Variants in LMNB1 observed in about 807,000 individuals in gnomAD.
The protein encoded by LMNB1 is lamin B1.
LMNB1 carries 23 observed loss-of-function variants against 67.1 expected under a neutral mutation model. That is an observed-to-expected ratio of 0.34 (90% confidence interval 0.25 to 0.49). The LOEUF is 0.49. LMNB1 is among the 20% of genes least tolerant of loss of function. The pLI is 0.99. For missense variants in LMNB1, 634 were observed against 746.5 expected (o/e 0.85, Z 1.76); for synonymous variants, 281 against 282.9 (o/e 0.99, Z 0.07).
chr5:126,806,317 T>G (rs949606883), intron 3 of LMNB1, among the ~76,000 whole-genome samples: 3 of 152,226 alleles, frequency 2.0e-5, no homozygotes, highest in African/African-American at 7.2e-5. Flanking sequence ...TGTTTAAGCA[T>G]TAGTTATCTA....
At chr5:126,787,123 C>G (rs998660558) in intron 1 of LMNB1, among the ~76,000 whole-genome samples, 1 of 152,150 alleles carries the variant, frequency 6.6e-6, no homozygotes, top group African/African-American at 2.4e-5. Context: ...AAGTTACTTA[C>G]AGTCTAGTGG....
At chr5:126,830,753 T>C (rs1752112074) in intron 9 of LMNB1, among the ~76,000 whole-genome samples, 2 of 152,206 alleles carry the variant, frequency 1.3e-5, no homozygotes, top group Non-Finnish European at 2.9e-5. Flanking sequence ...AATTTTGTTA[T>C]AGAAGATTTT....
rs186460987 is a variant in LMNB1 at position 126,822,113 on chromosome 5, A to G, written c.1387-668A>G. On this transcript the variant is annotated intron_variant, in intron 7 of 10. Coordinates refer to ENST00000261366, the MANE Select transcript of LMNB1 (RefSeq NM_005573.4). ...TGGGTTCAAGAGATTCTCCTGCCTC[A>G]GCCTCCTGAGTAGCTGGGATTACAG... Among the ~76,000 whole-genome samples the G allele has an allele frequency of 2.0e-3, 297 of 150,346 alleles. 2 individuals are homozygous for G. Among genetic ancestry groups the G allele is most frequent in the African/African-American group, 6.8e-3 (276 of 40,846 alleles).
chr5:126,805,791 C>A, intron 3 of LMNB1, 95 bp downstream of exon 3: 1 of 958,438 alleles, frequency 1.0e-6, no homozygotes, highest in Non-Finnish European at 1.5e-6. Flanking sequence ...TTTATGATTT[C>A]TTTGCCACAA....
chr5:126,795,456 T>G (rs1751062955), intron 1 of LMNB1, among the ~76,000 whole-genome samples: 1 of 151,876 alleles, frequency 6.6e-6, no homozygotes, highest in Non-Finnish European at 1.5e-5. Flanking sequence ...CATTTTCAAG[T>G]AGTTATTGTT....
chr5:126,836,316 A>G lies in LMNB1; in HGVS notation c.*52A>G. 1 of 1,224,386 alleles carries G rather than the reference A, an allele frequency of 8.2e-7. No individual in the cohort carries two copies. The highest frequency in any genetic ancestry group is 1.2e-6 in the Non-Finnish European group (1 of 830,316). The allele number at this position is 1,224,386 out of a possible 1,614,324, so 75.8% of individuals were successfully genotyped here. A position where few individuals can be genotyped will look rare whatever the true frequency, so the allele number is the denominator to read the frequency against. The stretch of plus-strand genomic sequence containing the variant: ...AAGAAGTATGGTAATCTTTACCTGT[A>G]TACAGTGCAGAGCCTTCTCAGAAGC... On this transcript the variant is annotated 3_prime_UTR_variant, in exon 11 of 11. Transcript: ENST00000261366.
intron 1 of LMNB1, among the ~76,000 whole-genome samples, chr5:126,781,525 C>T (rs1205567152): frequency 6.6e-6 from 1 of 151,970 alleles, no homozygotes; most frequent in East Asian, 1.9e-4. Flanking sequence ...CAACCTCCGC[C>T]TCCCAGGTTC....
intron 10 of LMNB1, 59 bp downstream of exon 10, chr5:126,832,860 G>A (rs1408822942): frequency 1.7e-6 from 2 of 1,172,936 alleles, no homozygotes; most frequent in East Asian, 5.6e-5. Context: ...ATTACATGAA[G>A]ACCAAGAGTG....
chr5:126,788,453 A>G (rs772065788), intron 1 of LMNB1, among the ~76,000 whole-genome samples: 4 of 152,158 alleles, frequency 2.6e-5, no homozygotes, highest in Non-Finnish European at 5.9e-5. Flanking sequence ...CCTGGGCAAC[A>G]TGGCGAAACC....
At chr5:126,831,638 T>G (rs1752132069) in intron 9 of LMNB1, among the ~76,000 whole-genome samples, 1 of 152,238 alleles carries the variant, frequency 6.6e-6, no homozygotes, top group Non-Finnish European at 1.5e-5. Flanking sequence ...GTGGTCCTGT[T>G]GCTGGTAGTC....
chr5:126,799,281 G>T (rs1385952691), intron 1 of LMNB1, among the ~76,000 whole-genome samples: 2 of 152,180 alleles, frequency 1.3e-5, no homozygotes, highest in African/African-American at 2.4e-5. Flanking sequence ...CAAACTGCTG[G>T]GATTACAGGC....
At chr5:126,778,660 G>GGTTTGT in intron 1 of LMNB1, among the ~76,000 whole-genome samples, 1 of 152,276 alleles carries the variant, frequency 6.6e-6, no homozygotes, top group East Asian at 1.9e-4. Context: ...TGCATGTCAC[G>GGTTTGT]GCTACCGTTC....
intron 5 of LMNB1, 108 bp from the exon 6 acceptor site, chr5:126,818,814 T>A (rs879736608): frequency 1.3e-6 from 1 of 774,380 alleles, no homozygotes; most frequent in Non-Finnish European, 2.2e-6. Flanking sequence ...GAGTTAGAGA[T>A]TCCATAGGGT....
chr5:126,795,175 C>A, intron 1 of LMNB1, among the ~76,000 whole-genome samples: 1 of 146,626 alleles, frequency 6.8e-6, no homozygotes, highest in Non-Finnish European at 1.5e-5. Context: ...TTGCCCAGAG[C>A]GACAGTGGCT....
At chr5:126,795,890 T>C (rs1751075408) in intron 1 of LMNB1, among the ~76,000 whole-genome samples, 1 of 149,628 alleles carries the variant, frequency 6.7e-6, no homozygotes, top group Non-Finnish European at 1.5e-5. Flanking sequence ...CCTCCCAAAG[T>C]GCTGGGATTA....
chr5:126,794,245 A>G (rs12521266), intron 1 of LMNB1, among the ~76,000 whole-genome samples: 6,641 of 152,118 alleles, frequency 0.044, 164 homozygotes, highest in Middle Eastern at 0.065. Context: ...GTATTAAGTT[A>G]TATTTGTTTT....
chr5:126,802,682 C>T (rs1751314388), intron 1 of LMNB1, among the ~76,000 whole-genome samples: 1 of 151,978 alleles, frequency 6.6e-6, no homozygotes, highest in Non-Finnish European at 1.5e-5. Flanking sequence ...CTCAGGTGAT[C>T]CACTTGCCTC....
intron 8 of LMNB1, among the ~76,000 whole-genome samples, chr5:126,825,013 T>C (rs1223012524): frequency 6.6e-5 from 10 of 152,184 alleles, no homozygotes; most frequent in Non-Finnish European, 1.3e-4. Flanking sequence ...TACTTGGCTT[T>C]GCCATCTTCA....
chr5:126,790,811 C>G (rs1392911564), intron 1 of LMNB1, among the ~76,000 whole-genome samples: 2 of 151,740 alleles, frequency 1.3e-5, no homozygotes, highest in Non-Finnish European at 2.9e-5. Context: ...GGTGGATCAC[C>G]TGAGGTCAGG....
Sources: gnomAD v4.1 joint callset for allele counts (sites outside exome capture counted in the v4.1 genomes callset) on GRCh38, gnomAD v4.1.1 for gene constraint, MANE v1.5 for transcripts, NCBI Gene and HGNC (gene_info 2026-07-23, HGNC 2026-07-21) for gene names.